HS2ST1: variants seen among roughly 807,000 people sequenced by gnomAD.
The protein encoded by HS2ST1 is heparan sulfate 2-O-sulfotransferase 1.
In HS2ST1, 18 loss-of-function variants were observed where a neutral mutation model predicts 42.9. The observed-to-expected ratio is 0.42, with a 90% CI of 0.29 to 0.62. HS2ST1 has a LOEUF of 0.62. HS2ST1 is among the 20% of genes least tolerant of loss of function. The probability of loss-of-function intolerance (pLI) is 0.21; values close to 1 mark genes in which losing one functional copy is unlikely to be tolerated. For missense variants in HS2ST1, 334 were observed against 433.8 expected (o/e 0.77, Z 2.04); for synonymous variants, 146 against 152.9 (o/e 0.95, Z 0.33).
chr1:86,993,746 AGT>A (rs1271496695), intron 1 of HS2ST1, among the ~76,000 whole-genome samples: 2 of 152,222 alleles, frequency 1.3e-5, no homozygotes, highest in Non-Finnish European at 2.9e-5. Context: ...TCAGTTCAAA[AGT>A]GTATCTCTTT....
intron 1 of HS2ST1, among the ~76,000 whole-genome samples, chr1:87,031,490 T>G (rs1441389573): frequency 2.0e-5 from 3 of 152,220 alleles, no homozygotes; most frequent in African/African-American, 7.2e-5. Flanking sequence ...ACCAACTGTT[T>G]ATTGCCAGTC....
intron 2 of HS2ST1, among the ~76,000 whole-genome samples, chr1:87,080,660 G>A (rs1166972146): frequency 6.6e-6 from 1 of 152,112 alleles, no homozygotes; most frequent in Non-Finnish European, 1.5e-5. Context: ...AAGGAAAGAG[G>A]CACTGAAGAG....
chr1:87,046,318 C>G (rs1650664565), intron 1 of HS2ST1: 2 of 734,396 alleles, frequency 2.7e-6, no homozygotes, highest in Admixed American at 1.8e-5. Flanking sequence ...ATTTGTAACA[C>G]ACCTTCAGAA....
At chr1:87,079,879 A>AAT (rs1470859147) in intron 2 of HS2ST1, among the ~76,000 whole-genome samples, 1 of 146,726 alleles carries the variant, frequency 6.8e-6, no homozygotes, top group African/African-American at 2.5e-5. Context: ...AAAAAAAAAA[A>AAT]TTTTTTTTTT....
chr1:87,103,781 G>A (rs1332743238), intron 6 of HS2ST1, among the ~76,000 whole-genome samples, 192 bp downstream of exon 6: 1 of 152,208 alleles, frequency 6.6e-6, no homozygotes, highest in Non-Finnish European at 1.5e-5. Context: ...AGAAGGCACT[G>A]TAGAAATAGT....
chr1:87,095,381 A>G (rs1309274842), intron 4 of HS2ST1, among the ~76,000 whole-genome samples: 1 of 152,160 alleles, frequency 6.6e-6, no homozygotes, highest in East Asian at 1.9e-4. Context: ...TTCAGCACTT[A>G]TGGCAACTAT....
At chr1:87,093,648 C>T (rs1651998764) in intron 4 of HS2ST1, among the ~76,000 whole-genome samples, 1 of 152,064 alleles carries the variant, frequency 6.6e-6, no homozygotes, top group South Asian at 2.1e-4. Context: ...AATTCATCTT[C>T]GTTTCCTCAG....
At chr1:87,004,811 A>G (rs1649389457) in intron 1 of HS2ST1, among the ~76,000 whole-genome samples, 1 of 152,228 alleles carries the variant, frequency 6.6e-6, no homozygotes, top group African/African-American at 2.4e-5. Flanking sequence ...TAGGAGTCAT[A>G]TAGTGCATAT....
rs1183634006 is a variant in HS2ST1, at chr1:87,109,725, G to C, written c.*5029G>C. 6.6e-6 allele frequency: 1 copy of C among 152,046 alleles called. No individual in the cohort carries two copies. The highest frequency in any genetic ancestry group is 1.5e-5 in the Non-Finnish European group (1 of 67,976). The allele number at this position is 152,046 out of a possible 1,614,324, so 9.4% of individuals were successfully genotyped here. A position where few individuals can be genotyped will look rare whatever the true frequency, so the allele number is the denominator to read the frequency against. On this transcript the variant is annotated 3_prime_UTR_variant, in exon 7 of 7. Coordinates refer to ENST00000370550, the MANE Select transcript of HS2ST1 (RefSeq NM_012262.4). ...TGATGAGTTTTCTTAACAGAATTTG[G>C]TTTGTACTTGCAGTGGCTGAACAAA...
chr1:86,932,895 GTTATACA>G (rs1304443360), intron 1 of HS2ST1, among the ~76,000 whole-genome samples: 4 of 152,138 alleles, frequency 2.6e-5, no homozygotes. Flanking sequence ...CCTTGAGGAA[GTTATACA>G]TTAGAAAATA....
At chr1:86,980,667 G>A (rs902981166) in intron 1 of HS2ST1, among the ~76,000 whole-genome samples, 1 of 152,024 alleles carries the variant, frequency 6.6e-6, no homozygotes, top group African/African-American at 2.4e-5. Context: ...TAAATCCAGG[G>A]CTTATTGTGA....
intron 1 of HS2ST1, among the ~76,000 whole-genome samples, chr1:86,959,168 G>A (rs1288888076): frequency 6.6e-6 from 1 of 152,174 alleles, no homozygotes; most frequent in Admixed American, 6.5e-5. Context: ...TTTCTATTAT[G>A]ATTAGGGAAA....
At chr1:86,925,425 G>A (rs1312897198) in intron 1 of HS2ST1, among the ~76,000 whole-genome samples, 6 of 152,238 alleles carry the variant, frequency 3.9e-5, no homozygotes, top group African/African-American at 1.2e-4. Flanking sequence ...GTTTTAGTCC[G>A]TTTTCATGCT....
At chr1:87,077,600 A>G (rs575584539) in intron 2 of HS2ST1, among the ~76,000 whole-genome samples, 1 of 152,230 alleles carries the variant, frequency 6.6e-6, no homozygotes, top group South Asian at 2.1e-4. Flanking sequence ...CTTATCTTAT[A>G]TATTGGTTTG....
At chr1:87,082,408 AT>A (rs1383525902) in intron 2 of HS2ST1, among the ~76,000 whole-genome samples, 1 of 152,176 alleles carries the variant, frequency 6.6e-6, no homozygotes, top group African/African-American at 2.4e-5. Context: ...TTTAGTTTAT[AT>A]AACACTGTTT....
chr1:86,996,455 A>G (rs1192408015), intron 1 of HS2ST1, among the ~76,000 whole-genome samples: 2 of 151,332 alleles, frequency 1.3e-5, no homozygotes, highest in Non-Finnish European at 2.9e-5. Context: ...AAAAAAAAAA[A>G]AAAAAAAAGT....
intron 1 of HS2ST1, among the ~76,000 whole-genome samples, chr1:86,927,281 A>T (rs989622233): frequency 2.6e-5 from 4 of 152,334 alleles, no homozygotes; most frequent in Middle Eastern, 3.4e-3. Flanking sequence ...GAATATTATC[A>T]TTATAGTCCT....
intron 1 of HS2ST1, among the ~76,000 whole-genome samples, chr1:86,918,299 C>T (rs1660208384): frequency 6.6e-6 from 1 of 151,840 alleles, no homozygotes; most frequent in East Asian, 1.9e-4. Flanking sequence ...TACAATGCGG[C>T]TTGCTTTTTT....
At chr1:87,062,809 G>A (rs1390078482) in intron 1 of HS2ST1, among the ~76,000 whole-genome samples, 7 of 152,062 alleles carry the variant, frequency 4.6e-5, no homozygotes, top group Middle Eastern at 3.4e-3. Context: ...CTAGGTATAC[G>A]ATTATTTTAT....
Sources: allele counts gnomAD v4.1 joint callset (sites outside exome capture counted in the v4.1 genomes callset), GRCh38; gene constraint gnomAD v4.1.1; transcripts MANE v1.5; gene names NCBI Gene and HGNC (gene_info 2026-07-23, HGNC 2026-07-21).